PCDH9: variants seen among roughly 807,000 people sequenced by gnomAD.
The protein encoded by PCDH9 is protocadherin-9.
In PCDH9, 24 loss-of-function variants were observed where a neutral mutation model predicts 70.6. The ratio of observed to expected loss-of-function variants is 0.34; its 90% confidence interval spans 0.25 to 0.48. PCDH9 has a LOEUF of 0.48. Ranked by LOEUF, PCDH9 falls within the 20% of genes least tolerant of loss-of-function variation. The pLI is 0.99. For missense variants in PCDH9, 1,281 were observed against 1,503.6 expected (o/e 0.85, Z 2.45); for synonymous variants, 562 against 558.5 (o/e 1.01, Z -0.09).
chr13:66,373,717 G>T (rs1402960648), intron 4 of PCDH9, among the ~76,000 whole-genome samples: 1 of 152,008 alleles, frequency 6.6e-6, no homozygotes, highest in African/African-American at 2.4e-5. Context: ...ATCTATATAA[G>T]AGTAGGTAGT....
intron 4 of PCDH9, among the ~76,000 whole-genome samples, chr13:66,393,263 G>A (rs1957048967): frequency 6.8e-6 from 1 of 146,624 alleles, no homozygotes; most frequent in African/African-American, 2.5e-5. Context: ...TCTACAAGTA[G>A]CCACTTATCT....
intron 2 of PCDH9, among the ~76,000 whole-genome samples, chr13:67,020,464 G>T (rs1468971959): frequency 6.6e-6 from 1 of 152,034 alleles, no homozygotes; most frequent in Non-Finnish European, 1.5e-5. Flanking sequence ...GCAAAATATG[G>T]GCCAGGTAGG....
At chr13:67,186,293 A>T (rs1306331020) in intron 2 of PCDH9, among the ~76,000 whole-genome samples, 2 of 152,190 alleles carry the variant, frequency 1.3e-5, no homozygotes, top group Non-Finnish European at 2.9e-5. Flanking sequence ...TAAAGTTGAA[A>T]ACTCATGAAT....
chr13:66,913,104 T>C (rs991809173), intron 2 of PCDH9, among the ~76,000 whole-genome samples: 2 of 152,202 alleles, frequency 1.3e-5, no homozygotes, highest in African/African-American at 4.8e-5. Context: ...AATTCAAGGC[T>C]GTGTCAGTTA....
In PCDH9 at chr13:67,034,261, G is replaced by T. The variant is rs961093471; in HGVS notation, c.3037-130656C>A. 3.3e-5 allele frequency among the ~76,000 whole-genome samples: 5 copies of T among 152,082 alleles called. No homozygotes were observed. In the East Asian group the frequency reaches 9.6e-4, roughly 29 times the overall value. On this transcript the variant is annotated intron_variant, in intron 2 of 4. Coordinates refer to ENST00000377865, the MANE Select transcript of PCDH9 (RefSeq NM_203487.3). ...GCCTCCCAAAGTGCTGGGATTACAG[G>T]CATGAGCCACCGTGCCCAGCCAGGA...
chr13:67,226,991 G>C lies in PCDH9; in HGVS notation c.1450C>G (p.Arg484Gly). Residue 484 changes from arginine (R) to glycine (G), a missense_variant, in exon 2 of 5, where the codon CGT (arginine) becomes GGT (glycine). Arg to Gly is a moderately radical substitution (Grantham distance 125). Transcript: ENST00000377865. The surrounding 1 kb of genome is among the most constrained non-coding windows in gnomAD (Gnocchi z 5.0). ...CTAATAGTTGTTAAGTATAACCCAC[G>C]TCGGTTGTTTTCAGAAACTGACAGC... ...IELSVSENNR[R>G]GLYLTTISAT... The C allele has an allele frequency of 6.2e-7, 1 of 1,614,116 alleles. No homozygotes were observed. The highest frequency in any genetic ancestry group is 8.5e-7 in the Non-Finnish European group (1 of 1,180,024).
chr13:67,219,720 T>G (rs2089683147), intron 2 of PCDH9: 1 of 152,016 alleles, frequency 6.6e-6, no homozygotes, highest in African/African-American at 2.4e-5. Context: ...GAAAAAATAT[T>G]AAATGTGAAG....
At chr13:67,111,217 A>G (rs556592771) in intron 2 of PCDH9, among the ~76,000 whole-genome samples, 1 of 152,236 alleles carries the variant, frequency 6.6e-6, no homozygotes, top group Non-Finnish European at 1.5e-5. Flanking sequence ...ATAAAGATCA[A>G]ATTAAGTACT....
At chr13:67,104,324 A>AT (rs1034427334) in intron 2 of PCDH9, among the ~76,000 whole-genome samples, 2 of 152,204 alleles carry the variant, frequency 1.3e-5, no homozygotes, top group African/African-American at 4.8e-5. Context: ...ATTCACATGG[A>AT]TTTTTAAAGG....
chr13:66,852,590 T>C (rs1277284581), intron 3 of PCDH9, among the ~76,000 whole-genome samples: 1 of 152,190 alleles, frequency 6.6e-6, no homozygotes, highest in Non-Finnish European at 1.5e-5. Flanking sequence ...TCCCCCAAAG[T>C]GACACCCTTC....
chr13:66,865,049 T>G (rs1366779091), intron 3 of PCDH9, among the ~76,000 whole-genome samples: 1 of 152,210 alleles, frequency 6.6e-6, no homozygotes, highest in Non-Finnish European at 1.5e-5. Flanking sequence ...ATATTAAAAA[T>G]TAACAGTGTA....
chr13:67,149,466 A>C (rs1489249678), intron 2 of PCDH9, among the ~76,000 whole-genome samples: 3 of 151,928 alleles, frequency 2.0e-5, no homozygotes, highest in Non-Finnish European at 2.9e-5. Context: ...GGCTCTGATA[A>C]ATATTTATTA....
At chr13:66,379,317 A>T (rs1956800633) in intron 4 of PCDH9, among the ~76,000 whole-genome samples, 1 of 152,192 alleles carries the variant, frequency 6.6e-6, no homozygotes, top group Non-Finnish European at 1.5e-5. Context: ...TAGCAGTGTG[A>T]CACTGGAGTA....
intron 4 of PCDH9, among the ~76,000 whole-genome samples, chr13:66,581,687 T>C (rs567555456): frequency 1.3e-5 from 2 of 152,172 alleles, no homozygotes; most frequent in East Asian, 1.9e-4. Flanking sequence ...TCCACAAAAA[T>C]TGAATTATAT....
rs188934304 is a variant in PCDH9 at position 67,089,920 on chromosome 13, T to C, written c.3036+135485A>G. On this transcript the variant is annotated intron_variant, in intron 2 of 4. Coordinates refer to ENST00000377865, the MANE Select transcript of PCDH9 (RefSeq NM_203487.3). ...TAACTACAATGATTCACACTTGCTA[T>C]GTAGCATTAATAGCACCCCAAATGC... Among the ~76,000 whole-genome samples, 280 of 152,122 alleles carry C rather than the reference T, an allele frequency of 1.8e-3. 2 individuals carry two copies. Among genetic ancestry groups the C allele is most frequent in the African/African-American group, 6.2e-3 (259 of 41,564 alleles).
chr13:66,740,880 A>C (rs1472608227), intron 3 of PCDH9, among the ~76,000 whole-genome samples: 1 of 125,442 alleles, frequency 8.0e-6, no homozygotes. Flanking sequence ...GTCCAGGACC[A>C]GATGGATTCA....
intron 4 of PCDH9, among the ~76,000 whole-genome samples, chr13:66,351,847 C>CTT (rs5804277): frequency 6.1e-5 from 9 of 148,282 alleles, no homozygotes; most frequent in African/African-American, 7.5e-5. Flanking sequence ...CTTTTCTTTT[C>CTT]TTTTTTTTTA....
At chr13:66,517,096 G>T (rs1395893235) in intron 4 of PCDH9, among the ~76,000 whole-genome samples, 1 of 152,032 alleles carries the variant, frequency 6.6e-6, no homozygotes, top group Non-Finnish European at 1.5e-5. Flanking sequence ...CAAGAAGTTT[G>T]CCCACACGTG....
chr13:67,034,144 C>A (rs571150482), intron 2 of PCDH9, among the ~76,000 whole-genome samples: 1 of 152,012 alleles, frequency 6.6e-6, no homozygotes, highest in African/African-American at 2.4e-5. Context: ...GCCACCACAC[C>A]TGGCTAATTT....
Sources: gnomAD v4.1 joint callset for allele counts (sites outside exome capture counted in the v4.1 genomes callset) on GRCh38, gnomAD v4.1.1 for gene constraint, Gnocchi (gnomAD v3.1) non-coding constraint, MANE v1.5 for transcripts, NCBI Gene and HGNC (gene_info 2026-07-23, HGNC 2026-07-21) for gene names.